Variants in PTPRO observed in about 807,000 individuals in gnomAD.
PTPRO encodes the protein receptor-type tyrosine-protein phosphatase O.
In PTPRO, 62 loss-of-function variants were observed where a neutral mutation model predicts 145.2. The observed-to-expected ratio is 0.43, with a 90% CI of 0.35 to 0.53. The LOEUF is 0.53. Among genes scored for constraint, PTPRO ranks in the 20% least tolerant of loss-of-function variants. PTPRO has a pLI of 0.01. For missense variants in PTPRO, 1,345 were observed against 1,482.7 expected, an observed-to-expected ratio of 0.91 and a Z score of 1.53; for synonymous variants, 565 against 514.7, an observed-to-expected ratio of 1.10 and a Z score of -1.32.
rs568914801 is a variant in PTPRO at position 15,335,706 on chromosome 12, C to T, written c.75+12905C>T. The stretch of plus-strand genomic sequence containing the variant: ...GGTTTTGTTATTTTTTTTTAATTAG[C>T]GAAATTTGCTAAAACTGAGCCACCC... On this transcript the variant is annotated intron_variant, in intron 1 of 26. Coordinates refer to ENST00000281171, the MANE Select transcript of PTPRO (RefSeq NM_030667.3). Among the ~76,000 whole-genome samples, 8 of 151,804 alleles carry T rather than the reference C, an allele frequency of 5.3e-5. 1 individual carries two copies. The South Asian group carries it at 1.0e-3, about 20-fold the overall frequency.
chr12:15,570,255 A>C (rs1045344427), intron 19 of PTPRO, among the ~76,000 whole-genome samples: 1 of 151,310 alleles, frequency 6.6e-6, no homozygotes, highest in Non-Finnish European at 1.5e-5. Context: ...AGGTTTCTAT[A>C]GCATGGCTTG....
intron 2 of PTPRO, among the ~76,000 whole-genome samples, chr12:15,485,010 A>G (rs1941857146): frequency 6.6e-6 from 1 of 152,160 alleles, no homozygotes; most frequent in Non-Finnish European, 1.5e-5. Context: ...ATAATGGCTC[A>G]GCAAAGTCCC....
chr12:15,520,821 G>A (rs2300281), intron 10 of PTPRO, among the ~76,000 whole-genome samples: 3 of 151,916 alleles, frequency 2.0e-5, no homozygotes, highest in Admixed American at 6.6e-5. Flanking sequence ...CCTTGAGCAC[G>A]TTAACTTTTC....
At chr12:15,481,980 A>G (rs1018654460) in intron 1 of PTPRO, among the ~76,000 whole-genome samples, 1 of 152,164 alleles carries the variant, frequency 6.6e-6, no homozygotes, top group African/African-American at 2.4e-5. Flanking sequence ...TAGAACTACC[A>G]TATGATCCAG....
rs139164733 is a variant in PTPRO, at chr12:15,553,189, A to G, written c.2558+1518A>G. Reference sequence around the variant, plus strand: ...GTTCATATTACAAATATTGCTACATATATGACAGTATATGAAACAGACAAA... The same window carrying G: ...GTTCATATTACAAATATTGCTACATGTATGACAGTATATGAAACAGACAAA... On this transcript the variant is annotated intron_variant, in intron 15 of 26. Transcript: ENST00000281171. 5.6e-3 allele frequency among the ~76,000 whole-genome samples: 860 copies of G among 152,288 alleles called. 11 individuals are homozygous for G. The highest frequency in any genetic ancestry group is 4.9e-3 in the Admixed American group (75 of 15,306).
intron 1 of PTPRO, among the ~76,000 whole-genome samples, chr12:15,458,821 C>T (rs1171273234): frequency 1.3e-5 from 2 of 152,018 alleles, no homozygotes; most frequent in Non-Finnish European, 2.9e-5. Flanking sequence ...TAATATATCT[C>T]CATTGCATTA....
At chr12:15,581,466 C>T (rs1021588228) in intron 22 of PTPRO, among the ~76,000 whole-genome samples, 5 of 151,970 alleles carry the variant, frequency 3.3e-5, no homozygotes, top group Admixed American at 6.6e-5. Context: ...CCCCTGACCC[C>T]TCAACTCTGT....
At chr12:15,539,494 C>A (rs1425479763) in intron 12 of PTPRO, among the ~76,000 whole-genome samples, 1 of 152,050 alleles carries the variant, frequency 6.6e-6, no homozygotes, top group Admixed American at 6.5e-5. Context: ...GGCACAGTGG[C>A]TCACTGCCTG....
chr12:15,460,444 G>T (rs144278555), intron 1 of PTPRO, among the ~76,000 whole-genome samples: 1 of 152,210 alleles, frequency 6.6e-6, no homozygotes, highest in African/African-American at 2.4e-5. Flanking sequence ...ATGCAGTCAA[G>T]AAAGCCCTCA....
At chr12:15,443,248 C>A (rs1481340162) in intron 1 of PTPRO, among the ~76,000 whole-genome samples, 1 of 152,022 alleles carries the variant, frequency 6.6e-6, no homozygotes, top group African/African-American at 2.4e-5. Context: ...GAAATAATTG[C>A]CTATTCAGCA....
At chr12:15,498,588 A>G (rs1372975300) in intron 3 of PTPRO, among the ~76,000 whole-genome samples, 1 of 152,218 alleles carries the variant, frequency 6.6e-6, no homozygotes, top group African/African-American at 2.4e-5. Context: ...TGAATGAAAT[A>G]TATGCAGTGA....
chr12:15,512,291 T>C (rs1417695431), intron 7 of PTPRO, among the ~76,000 whole-genome samples: 1 of 152,096 alleles, frequency 6.6e-6, no homozygotes, highest in Non-Finnish European at 1.5e-5. Flanking sequence ...ATTTTTGTAT[T>C]TTTAGTAGAG....
chr12:15,426,304 G>T (rs12305538), intron 1 of PTPRO, among the ~76,000 whole-genome samples: 39,490 of 151,568 alleles, frequency 0.26, 5,613 homozygotes, highest in South Asian at 0.44. Context: ...ATTAATTCTA[G>T]TAGTTTTTCA....
intron 1 of PTPRO, among the ~76,000 whole-genome samples, chr12:15,453,828 A>T (rs1390997301): frequency 6.6e-6 from 1 of 152,136 alleles, no homozygotes; most frequent in Admixed American, 6.6e-5. Flanking sequence ...GAATCATGCA[A>T]TATTTGTCCT....
intron 1 of PTPRO, among the ~76,000 whole-genome samples, chr12:15,429,484 A>G (rs1940374950): frequency 6.6e-6 from 1 of 152,142 alleles, no homozygotes; most frequent in Non-Finnish European, 1.5e-5. Context: ...TGCAAAGGAG[A>G]GGCTAGAGTA....
In PTPRO at chr12:15,416,423, C is replaced by G. The variant is rs1939976554; in HGVS notation, c.76-67551C>G. ...CAAGGTCTGACTCCTGGGTTCACACCATTCTCCTGCCTCAGCCTCCCGAGT... is the reference window on the plus strand; with the variant it reads ...CAAGGTCTGACTCCTGGGTTCACACGATTCTCCTGCCTCAGCCTCCCGAGT... On this transcript the variant is annotated intron_variant, in intron 1 of 26. Coordinates refer to ENST00000281171, the MANE Select transcript of PTPRO (RefSeq NM_030667.3). Among the ~76,000 whole-genome samples, 7 of 151,192 alleles carry G rather than the reference C, an allele frequency of 4.6e-5. No individual in the cohort carries two copies. The South Asian group carries it at 1.5e-3, about 31-fold the overall frequency.
At chr12:15,555,291 A>C (rs1943591183) in intron 15 of PTPRO, among the ~76,000 whole-genome samples, 1 of 152,300 alleles carries the variant, frequency 6.6e-6, no homozygotes, top group East Asian at 1.9e-4. Context: ...TTAGAGCTTT[A>C]GACTGGATGA....
chr12:15,405,603 G>A (rs887555743), intron 1 of PTPRO, among the ~76,000 whole-genome samples: 1 of 152,126 alleles, frequency 6.6e-6, no homozygotes, highest in Non-Finnish European at 1.5e-5. Flanking sequence ...GAGGGGAGAA[G>A]ATAACAATAT....
At chr12:15,349,113 TATA>T (rs754847250) in intron 1 of PTPRO, among the ~76,000 whole-genome samples, 1 of 152,178 alleles carries the variant, frequency 6.6e-6, no homozygotes, top group Non-Finnish European at 1.5e-5. Flanking sequence ...TAATAAAACT[TATA>T]GTAGATGTAT....
Sources: allele counts gnomAD v4.1 joint callset (sites outside exome capture counted in the v4.1 genomes callset), GRCh38; gene constraint gnomAD v4.1.1; transcripts MANE v1.5; gene names NCBI Gene and HGNC (gene_info 2026-07-23, HGNC 2026-07-21).